The following RMDN1 variants were observed in gnomAD, a reference collection of about 807,000 sequenced individuals.
RMDN1 encodes the protein regulator of microtubule dynamics protein 1.
Under a neutral mutation model 48.9 loss-of-function variants are expected in RMDN1, and 48 were observed. That is an observed-to-expected ratio of 0.98 (90% CI 0.78 to 1.25). RMDN1 has a LOEUF of 1.25. Ranked by LOEUF, RMDN1 falls within the 50% of genes most tolerant of loss-of-function variation. The pLI, the probability that RMDN1 is intolerant of heterozygous loss-of-function variation, is 0.00. For synonymous variants in RMDN1, 148 were observed against 132.6 expected, an observed-to-expected ratio of 1.12 and a Z score of -0.80; for missense variants, 418 against 373.4, an observed-to-expected ratio of 1.12 and a Z score of -0.98.
At chr8:86,470,394 C>T (rs1291273986), downstream of RMDN1, 13 of 1,284,082 alleles carry the variant, frequency 1.0e-5, no homozygotes, top group African/African-American at 1.5e-5. Flanking sequence ...CAATGTGACA[C>T]GTGGGGAATC....
intron 2 of RMDN1, chr8:86,505,353 C>A (rs142757571): frequency 1.2e-3 from 561 of 458,482 alleles, no homozygotes; most frequent in African/African-American, 9.8e-3. Flanking sequence ...GCCAGTTTTT[C>A]CTTCCTTGGG....
At chr8:86,503,076 A>T (rs1192206316) in intron 2 of RMDN1, among the ~76,000 whole-genome samples, 1 of 152,140 alleles carries the variant, frequency 6.6e-6, no homozygotes, top group African/African-American at 2.4e-5. Flanking sequence ...AAGTTAGGCC[A>T]GGTGCGGTGG....
chr8:86,481,109 T>C (rs1395563853), intron 5 of RMDN1, among the ~76,000 whole-genome samples: 1 of 152,172 alleles, frequency 6.6e-6, no homozygotes, highest in Non-Finnish European at 1.5e-5. Context: ...AGTTTATGCT[T>C]TTCTATAAAC....
At chr8:86,506,953 C>CA (rs749862413) in intron 2 of RMDN1, 42 bp downstream of exon 2, 3 of 1,074,028 alleles carry the variant, frequency 2.8e-6, no homozygotes, top group East Asian at 2.4e-5. Flanking sequence ...TGTACGCACA[C>CA]AAAAAAACTC....
At chr8:86,472,091 T>C (rs1812647589), downstream of RMDN1, among the ~76,000 whole-genome samples, 1 of 152,238 alleles carries the variant, frequency 6.6e-6, no homozygotes, top group Non-Finnish European at 1.5e-5. Flanking sequence ...TAGGAAGATG[T>C]CTTTATTCTG....
intron 2 of RMDN1, among the ~76,000 whole-genome samples, chr8:86,501,687 A>T (rs918901405): frequency 3.3e-5 from 5 of 149,274 alleles, no homozygotes; most frequent in Non-Finnish European, 7.4e-5. Flanking sequence ...AATAAGTTCT[A>T]ATCTCCACTC....
At chr8:86,481,302 A>G (rs1160356360) in intron 5 of RMDN1, among the ~76,000 whole-genome samples, 3 of 152,210 alleles carry the variant, frequency 2.0e-5, no homozygotes, top group Non-Finnish European at 4.4e-5. Context: ...TGGAAAAGTC[A>G]TGTACTTAAC....
intron 2 of RMDN1, among the ~76,000 whole-genome samples, chr8:86,500,907 C>T (rs1818102664): frequency 1.3e-5 from 2 of 152,144 alleles, no homozygotes; most frequent in Admixed American, 1.3e-4. Context: ...AACATGGATG[C>T]AGCTGCAGGC....
At chr8:86,506,972 C>T in intron 2 of RMDN1, 23 bp downstream of exon 2, 3 of 1,252,322 alleles carry the variant, frequency 2.4e-6, no homozygotes, top group Non-Finnish European at 3.5e-6. Flanking sequence ...TCTAAATGTT[C>T]CATATATCTA....
At chr8:86,482,716 G>T in intron 5 of RMDN1, 2 of 1,001,120 alleles carry the variant, frequency 2.0e-6, no homozygotes, top group Non-Finnish European at 3.2e-6. Flanking sequence ...TTTGGTGTCG[G>T]TTCCATCACA....
chr8:86,509,290 C>T (rs1819914353), upstream of RMDN1, among the ~76,000 whole-genome samples: 1 of 152,100 alleles, frequency 6.6e-6, no homozygotes, highest in South Asian at 2.1e-4. Flanking sequence ...TAGTAAAAAA[C>T]AGAAACAAAA....
In RMDN1 at chr8:86,484,972, A is replaced by T. The variant is rs549706349; in HGVS notation, c.496-11T>A. 136 of 1,457,014 alleles carry T rather than the reference A, an allele frequency of 9.3e-5. 1 individual carries two copies. Among genetic ancestry groups the T allele is most frequent in the East Asian group, 4.1e-4 (18 of 43,498 alleles). 90.3% of individuals were successfully genotyped at this position (1,457,014 alleles called of 1,614,324 possible). On this transcript the variant is annotated splice_polypyrimidine_tract_variant and intron_variant, in intron 4 of 9. Coordinates refer to ENST00000406452, the MANE Select transcript of RMDN1 (RefSeq NM_016033.3). ...GCAGATTGCATACCACTGAAAATTT[A>T]AAAAAGTGTAAGAACAATAATATTC...
At chr8:86,500,699 C>T (rs542866023) in intron 2 of RMDN1, among the ~76,000 whole-genome samples, 2 of 152,016 alleles carry the variant, frequency 1.3e-5, no homozygotes, top group Non-Finnish European at 2.9e-5. Flanking sequence ...TGAGAATATA[C>T]CCAAAGAAAA....
Position 86,479,782 on chromosome 8 carries a change from T to G in RMDN1, c.641+495A>C, listed in dbSNP as rs142214376. Among the ~76,000 whole-genome samples, 1,303 of 152,232 alleles carry G rather than the reference T, an allele frequency of 8.6e-3. 9 individuals are homozygous for G. The highest frequency in any genetic ancestry group is 0.021 in the Admixed American group (325 of 15,292). On this transcript the variant is annotated intron_variant, in intron 6 of 9. Transcript: ENST00000406452. ...TATACTCAAAAGAGTGTCCCATCTA[T>G]CTCAAAACAGACTCTTAAACCATCA...
At chr8:86,491,420 C>T (rs907991779) in intron 2 of RMDN1, among the ~76,000 whole-genome samples, 4 of 152,172 alleles carry the variant, frequency 2.6e-5, no homozygotes, top group African/African-American at 9.7e-5. Context: ...AAATCAAACA[C>T]TGTACAATTT....
intron 2 of RMDN1, among the ~76,000 whole-genome samples, chr8:86,503,254 A>T (rs1352303294): frequency 6.6e-6 from 1 of 151,956 alleles, no homozygotes; most frequent in Non-Finnish European, 1.5e-5. Context: ...CAGGAGGCTG[A>T]GGCAGGAGAA....
At chr8:86,497,662 C>A (rs1274425125) in intron 2 of RMDN1, among the ~76,000 whole-genome samples, 1 of 143,892 alleles carries the variant, frequency 6.9e-6, no homozygotes, top group Non-Finnish European at 1.5e-5. Context: ...GATCGCACCA[C>A]TGCACTCCAG....
At chr8:86,471,044 G>C (rs750772010), downstream of RMDN1, among the ~76,000 whole-genome samples, 1 of 151,952 alleles carries the variant, frequency 6.6e-6, no homozygotes, top group Admixed American at 6.6e-5. Flanking sequence ...TTAAATATAA[G>C]GTCTGTGGTC....
intron 2 of RMDN1, among the ~76,000 whole-genome samples, chr8:86,495,676 T>C (rs1817222534): frequency 6.6e-6 from 1 of 152,114 alleles, no homozygotes; most frequent in Non-Finnish European, 1.5e-5. Context: ...CACTTGCCAG[T>C]GGCCCCCACC....
Sources: gnomAD v4.1 joint callset for allele counts (sites outside exome capture counted in the v4.1 genomes callset) on GRCh38, gnomAD v4.1.1 for gene constraint, MANE v1.5 for transcripts, NCBI Gene and HGNC (gene_info 2026-07-23, HGNC 2026-07-21) for gene names.